The following WDHD1 variants were observed in gnomAD, a reference collection of about 807,000 sequenced individuals.
The protein encoded by WDHD1 is WD repeat and HMG-box DNA binding protein 1, also known as WD repeat and HMG-box DNA-binding protein 1.
In WDHD1, 111 loss-of-function variants were observed where a neutral mutation model predicts 135.4. That is an observed-to-expected ratio of 0.82 (90% CI 0.70 to 0.96). The LOEUF is 0.96. WDHD1 is among the 40% of genes least tolerant of loss of function. The pLI is 0.00. For synonymous variants in WDHD1, 434 were observed against 439.0 expected (o/e 0.99, Z 0.14); for missense variants, 1,351 against 1,336.3 (o/e 1.01, Z -0.17).
intron 7 of WDHD1, among the ~76,000 whole-genome samples, chr14:55,005,951 A>G (rs1390549783): frequency 6.6e-6 from 1 of 152,076 alleles, no homozygotes; most frequent in African/African-American, 2.4e-5. Flanking sequence ...TGCAGCCTTA[A>G]TCTCCTGGGC....
intron 7 of WDHD1, among the ~76,000 whole-genome samples, chr14:55,003,346 C>T (rs2042006274): frequency 6.6e-6 from 1 of 151,482 alleles, no homozygotes. Context: ...CCTGTCTCTA[C>T]AAAAAATAAA....
rs568024882 is a variant in WDHD1, at chr14:54,977,481, ACT to A, written c.2063+4057_2063+4058del. On this transcript the variant is annotated intron_variant, in intron 16 of 25. Transcript: ENST00000360586. The stretch of plus-strand genomic sequence containing the variant: ...TTTGGGAGGCCAAGGTGGGAGGATC[ACT>A]CGAGGTTAGTTCAAGAAAAGCCTAG... Among the ~76,000 whole-genome samples the A allele has an allele frequency of 1.9e-4, 29 of 152,276 alleles. 1 individual carries two copies. The South Asian group carries it at 6.0e-3, about 32-fold the overall frequency.
chr14:55,026,607 T>C, intron 2 of WDHD1, 104 bp downstream of exon 2: 3 of 1,117,072 alleles, frequency 2.7e-6, no homozygotes, highest in Non-Finnish European at 4.1e-6. Context: ...TTCAACATTA[T>C]TCCTCTATCC....
rs2041275215 is a variant in WDHD1, at chr14:54,962,865, T to C, written c.2532-12A>G. ...CAGTATTGCTGTAACTAAGAGAAAA[T>C]AATATTATTCAATAAAGAGCTATGC... On this transcript the variant is annotated splice_polypyrimidine_tract_variant and intron_variant, in intron 19 of 25. Transcript: ENST00000360586. 1.2e-6 allele frequency: 2 copies of C among 1,611,250 alleles called. No individual in the cohort carries two copies. Among genetic ancestry groups the C allele is most frequent in the Non-Finnish European group, 8.5e-7 (1 of 1,179,682 alleles).
At chr14:55,009,562 G>A (rs1173264244) in intron 4 of WDHD1, among the ~76,000 whole-genome samples, 1 of 151,752 alleles carries the variant, frequency 6.6e-6, no homozygotes, top group Non-Finnish European at 1.5e-5. Flanking sequence ...CTCCCAAGTA[G>A]CCGGGATTAT....
At chr14:54,950,072 G>C (rs2041015738) in intron 24 of WDHD1, among the ~76,000 whole-genome samples, 1 of 152,196 alleles carries the variant, frequency 6.6e-6, no homozygotes, top group Admixed American at 6.5e-5. Context: ...AGGCTAGGAA[G>C]AAACTGCATC....
At chr14:55,018,095 T>C (rs1012491762) in intron 2 of WDHD1, among the ~76,000 whole-genome samples, 1 of 152,162 alleles carries the variant, frequency 6.6e-6, no homozygotes, top group Non-Finnish European at 1.5e-5. Flanking sequence ...ATTGGGTTTT[T>C]AAAATCTTTA....
chr14:54,942,168 G>A (rs1457871398), intron 25 of WDHD1, among the ~76,000 whole-genome samples: 8 of 151,924 alleles, frequency 5.3e-5, no homozygotes, highest in Non-Finnish European at 7.4e-5. Context: ...GGAGACTAGA[G>A]TGAACCCGGG....
rs1191988483 is a variant in WDHD1, at chr14:55,010,318, G to C, written c.332C>G (p.Ala111Gly). 1.3e-6 allele frequency: 2 copies of C among 1,598,714 alleles called. No individual in the cohort carries two copies. Among genetic ancestry groups the C allele is most frequent in the East Asian group, 4.5e-5 (2 of 44,534 alleles). Reference sequence around the variant, plus strand: ...TGTCAAAGAGCCTTACCTAGATCCAGCAGCAATTTTAGTACCATCCCCATT... The same window carrying C: ...TGTCAAAGAGCCTTACCTAGATCCACCAGCAATTTTAGTACCATCCCCATT... The part of the protein sequence containing the change: ...VFNGDGTKIA[A>G]GSSDFLVKIV... Residue 111 changes from alanine to glycine, a missense_variant, in exon 4 of 26, where the codon GCT becomes GGT. Physicochemically the swap from Ala to Gly is moderately conservative, Grantham distance 60. Around this residue, in one of 2 missense-constraint regions of WDHD1, gnomAD observed 1,330 missense variants for 1,296.1 expected, o/e 1.03. Transcript: ENST00000360586.
intron 21 of WDHD1, among the ~76,000 whole-genome samples, chr14:54,958,481 C>G (rs1213307400): frequency 6.6e-6 from 1 of 152,142 alleles, no homozygotes; most frequent in East Asian, 1.9e-4. Context: ...CCTCACCACC[C>G]ATACATTCCT....
chr14:54,975,925 T>C (rs1461472697), intron 16 of WDHD1, among the ~76,000 whole-genome samples: 2 of 152,186 alleles, frequency 1.3e-5, no homozygotes, highest in Non-Finnish European at 2.9e-5. Context: ...TGAGTTGGGT[T>C]AGAAAATGCA....
chr14:54,992,192 C>T (rs1433102813), intron 11 of WDHD1, among the ~76,000 whole-genome samples: 3 of 149,704 alleles, frequency 2.0e-5, no homozygotes, highest in East Asian at 3.9e-4. Flanking sequence ...CGGGAGACTC[C>T]GTCTCAAAAA....
At chr14:54,969,625 T>C (rs557493575) in intron 16 of WDHD1, among the ~76,000 whole-genome samples, 49 of 152,204 alleles carry the variant, frequency 3.2e-4, no homozygotes, top group African/African-American at 1.1e-3. Context: ...CACAGCTGAA[T>C]TCTAGATGCA....
chr14:54,949,696 A>G lies in WDHD1; in HGVS notation c.3051-5226T>C, dbSNP rs570743651. Reference sequence around the variant, plus strand: ...GAGAAGAGCAACTCCAAGACACATAATTGTCAGATTCACCAAAGTTGAAAT... The same window carrying G: ...GAGAAGAGCAACTCCAAGACACATAGTTGTCAGATTCACCAAAGTTGAAAT... On this transcript the variant is annotated intron_variant, in intron 24 of 25. Transcript: ENST00000360586. Among the ~76,000 whole-genome samples the G allele has an allele frequency of 5.2e-3, 795 of 152,334 alleles. 4 individuals carry two copies. Among genetic ancestry groups the G allele is most frequent in the African/African-American group, 0.018 (756 of 41,582 alleles).
Position 55,010,416 on chromosome 14 carries a change from G to C in WDHD1, c.234C>G (p.Val78=), listed in dbSNP as rs368534314. 6.2e-7 allele frequency: 1 copy of C among 1,611,822 alleles called. No individual in the cohort carries two copies. The highest frequency in any genetic ancestry group is 2.2e-5 in the East Asian group (1 of 44,760). ...VTAVSNNTIQ[V]HTFPEGVPDG... is the part of the protein sequence containing the mutation. ...CTGGAACTCCTTCAGGAAATGTGTG[G>C]ACTTGAATAGTATTATTAGAAACTG... Residue 78 remains valine, a synonymous_variant, in exon 4 of 26, where the codon GTC becomes GTG. Coordinates refer to ENST00000360586, the MANE Select transcript of WDHD1 (RefSeq NM_007086.4).
chr14:54,967,926 T>A (rs1425519615), intron 16 of WDHD1, among the ~76,000 whole-genome samples: 4 of 152,310 alleles, frequency 2.6e-5, no homozygotes, highest in African/African-American at 9.6e-5. Flanking sequence ...CAACCTCACA[T>A]CTCACTTTAT....
intron 24 of WDHD1, among the ~76,000 whole-genome samples, chr14:54,949,064 A>G (rs2040987687): frequency 6.6e-6 from 1 of 152,288 alleles, no homozygotes; most frequent in Middle Eastern, 3.4e-3. Context: ...AAACAGAGCA[A>G]AAAAGCTGAA....
intron 7 of WDHD1, among the ~76,000 whole-genome samples, 185 bp from the exon 8 acceptor site, chr14:55,002,370 A>C (rs910708690): frequency 2.0e-5 from 3 of 152,182 alleles, no homozygotes; most frequent in African/African-American, 7.2e-5. Context: ...TCCTGGGTTC[A>C]AGGGATCTTC....
At chr14:54,952,728 C>G (rs998889844) in intron 24 of WDHD1, among the ~76,000 whole-genome samples, 1 of 152,058 alleles carries the variant, frequency 6.6e-6, no homozygotes, top group Non-Finnish European at 1.5e-5. Context: ...CATCACGCTA[C>G]CTGACTTCAA....
Sources: allele counts gnomAD v4.1 joint callset (sites outside exome capture counted in the v4.1 genomes callset), GRCh38; gene constraint gnomAD v4.1.1; regional missense constraint gnomAD v4.1.1; transcripts MANE v1.5; gene names NCBI Gene and HGNC (gene_info 2026-07-23, HGNC 2026-07-21).